Variants in KBTBD12 observed in about 807,000 individuals in gnomAD.
The protein encoded by KBTBD12 is kelch repeat and BTB domain containing 12.
KBTBD12 carries 53 observed loss-of-function variants against 58.7 expected under a neutral mutation model. That is an observed-to-expected ratio of 0.90 (90% confidence interval 0.72 to 1.14). The LOEUF (loss-of-function observed/expected upper bound fraction) is 1.14. Among genes scored for constraint, KBTBD12 ranks in the 50% most tolerant of loss-of-function variants. The probability of loss-of-function intolerance (pLI) is 0.00; values close to 1 mark genes in which losing one functional copy is unlikely to be tolerated. For missense variants in KBTBD12, 704 were observed against 751.3 expected, an observed-to-expected ratio of 0.94 and a Z score of 0.74; for synonymous variants, 236 against 259.8, an observed-to-expected ratio of 0.91 and a Z score of 0.88.
At chr3:127,964,275 A>T (rs1038955894) in intron 5 of KBTBD12, among the ~76,000 whole-genome samples, 4 of 152,184 alleles carry the variant, frequency 2.6e-5, no homozygotes, top group Non-Finnish European at 5.9e-5. Context: ...AGTAAAGCTG[A>T]TACTGCAGCA....
chr3:127,922,387 T>C (rs1939432437), intron 1 of KBTBD12, among the ~76,000 whole-genome samples: 1 of 152,188 alleles, frequency 6.6e-6, no homozygotes, highest in Non-Finnish European at 1.5e-5. Flanking sequence ...ATATAATCTT[T>C]GTGTTATCTA....
At chr3:127,917,069 A>G (rs1939263791) in intron 1 of KBTBD12, among the ~76,000 whole-genome samples, 1 of 152,168 alleles carries the variant, frequency 6.6e-6, no homozygotes, top group African/African-American at 2.4e-5. Flanking sequence ...TCAGCAACCA[A>G]TCACTTAGTT....
rs569069687 is a variant in KBTBD12 at position 127,920,938 on chromosome 3, TG to T, written c.-112-2011del. ...ATCACCGAGAACATTTATACAGTTT[TG>T]TTTTGCTGATGAAAGGAGAATGTAC... On this transcript the variant is annotated intron_variant, in intron 1 of 5. Coordinates refer to ENST00000405109, the MANE Select transcript of KBTBD12 (RefSeq NM_207335.4). Among the ~76,000 whole-genome samples, 8 of 152,132 alleles carry T rather than the reference TG, an allele frequency of 5.3e-5. No homozygotes were observed. In the South Asian group the frequency reaches 1.7e-3, roughly 32 times the overall value.
intron 5 of KBTBD12, among the ~76,000 whole-genome samples, chr3:127,976,380 T>G (rs557176922): frequency 6.6e-6 from 1 of 152,162 alleles, no homozygotes; most frequent in South Asian, 2.1e-4. Context: ...ACGCCCTTTT[T>G]CCCCCCTTTT....
intron 5 of KBTBD12, among the ~76,000 whole-genome samples, chr3:127,965,121 G>C (rs1213194771): frequency 6.6e-6 from 1 of 152,246 alleles, no homozygotes; most frequent in Non-Finnish European, 1.5e-5. Flanking sequence ...GAGAATCTGA[G>C]GGTTAGCCTC....
chr3:127,947,222 TCCC>T, intron 4 of KBTBD12, among the ~76,000 whole-genome samples: 2 of 152,220 alleles, frequency 1.3e-5, no homozygotes, highest in Non-Finnish European at 2.9e-5. Context: ...GATGATCTCC[TCCC>T]TGAGAGGATT....
chr3:127,959,295 C>T (rs114584631), intron 4 of KBTBD12, among the ~76,000 whole-genome samples: 2,463 of 152,298 alleles, frequency 0.016, 63 homozygotes, highest in African/African-American at 0.054. Flanking sequence ...GTTAGGTCCA[C>T]CAACAGCTCC....
intron 5 of KBTBD12, among the ~76,000 whole-genome samples, chr3:127,965,423 G>A (rs1051530296): frequency 1.3e-5 from 2 of 152,070 alleles, no homozygotes; most frequent in Non-Finnish European, 2.9e-5. Flanking sequence ...AATTATCACT[G>A]GGATTTTATA....
chr3:127,981,554 A>T (rs1306472222), intron 5 of KBTBD12, among the ~76,000 whole-genome samples: 2 of 152,158 alleles, frequency 1.3e-5, no homozygotes, highest in Non-Finnish European at 2.9e-5. Flanking sequence ...GTTTTGGAGG[A>T]AAGAAATTCT....
intron 3 of KBTBD12, among the ~76,000 whole-genome samples, chr3:127,929,860 A>C (rs1939661340): frequency 1.3e-5 from 2 of 152,140 alleles, no homozygotes; most frequent in Admixed American, 1.3e-4. Flanking sequence ...TTCTTTAAAA[A>C]AAAAAAAGCT....
rs1940923486 is a variant in KBTBD12 at position 127,984,113 on chromosome 3, C to A, written c.1707C>A (p.Ile569=). 1 of 1,613,382 alleles carries A rather than the reference C, an allele frequency of 6.2e-7. No individual in the cohort carries two copies. The highest frequency in any genetic ancestry group is 8.5e-7 in the Non-Finnish European group (1 of 1,179,668). The part of the protein sequence containing the change: ...GFHGADRHEV[I]SKEILELDPW... The stretch of plus-strand genomic sequence containing the variant: ...GTTTTTCAGATCGCCATGAGGTTAT[C>A]TCCAAAGAAATATTGGAACTGGACC... Residue 569 remains isoleucine, a synonymous_variant, in exon 6 of 6, where the codon ATC becomes ATA. Coordinates refer to ENST00000405109, the MANE Select transcript of KBTBD12 (RefSeq NM_207335.4).
At chr3:127,942,231 T>C (rs1939965404) in intron 4 of KBTBD12, among the ~76,000 whole-genome samples, 1 of 152,178 alleles carries the variant, frequency 6.6e-6, no homozygotes, top group Non-Finnish European at 1.5e-5. Context: ...GTCAAAAGAT[T>C]ACTATAATCA....
In KBTBD12 at chr3:127,986,918, C is replaced by T. The variant is rs1356763128; in HGVS notation, c.*2640C>T. The T allele has an allele frequency of 6.6e-6, 1 of 152,302 alleles. No homozygotes were observed. Among genetic ancestry groups the T allele is most frequent in the Non-Finnish European group, 1.5e-5 (1 of 68,122 alleles). The allele number at this position is 152,302 out of a possible 1,614,324, so 9.4% of individuals were successfully genotyped here. On this transcript the variant is annotated 3_prime_UTR_variant, in exon 6 of 6. Coordinates refer to ENST00000405109, the MANE Select transcript of KBTBD12 (RefSeq NM_207335.4). ...ACACATTCAGGACCCTGTGGCAGCT[C>T]AGCAGAGGCACCTGAGGGTCACGCT... is the stretch of plus-strand genomic sequence containing the variant.
Position 127,924,138 on chromosome 3 carries a change from A to G in KBTBD12, c.1070+7A>G, listed in dbSNP as rs1442137897. 1 of 1,553,326 alleles carries G rather than the reference A, an allele frequency of 6.4e-7. No individual in the cohort carries two copies. The highest frequency in any genetic ancestry group is 1.8e-5 in the Admixed American group (1 of 54,232). Reference sequence around the variant, plus strand: ...AGAATGTTGAAATTTATAGGTTTGTATCTAGCAGCAAATTTGCTTAATTAT... The same window carrying G: ...AGAATGTTGAAATTTATAGGTTTGTGTCTAGCAGCAAATTTGCTTAATTAT... On this transcript the variant is annotated splice_region_variant and intron_variant, in intron 2 of 5. Transcript: ENST00000405109.
intron 4 of KBTBD12, among the ~76,000 whole-genome samples, chr3:127,947,281 C>A (rs1047764572): frequency 6.6e-6 from 1 of 152,140 alleles, no homozygotes; most frequent in Non-Finnish European, 1.5e-5. Context: ...TTCCCTCAGT[C>A]CAATCAGGGC....
chr3:127,945,949 G>A (rs1940072500), intron 4 of KBTBD12, among the ~76,000 whole-genome samples: 1 of 152,068 alleles, frequency 6.6e-6, no homozygotes. Flanking sequence ...AAAGTGCTGG[G>A]ATTACAGGCG....
At chr3:127,926,417 T>C (rs1939568932) in intron 2 of KBTBD12, among the ~76,000 whole-genome samples, 1 of 152,196 alleles carries the variant, frequency 6.6e-6, no homozygotes, top group Non-Finnish European at 1.5e-5. Flanking sequence ...CTTTCTTTTC[T>C]AAAATTCATA....
chr3:127,971,746 AG>A (rs1940686067), intron 5 of KBTBD12, among the ~76,000 whole-genome samples: 4 of 152,206 alleles, frequency 2.6e-5, no homozygotes, highest in African/African-American at 9.6e-5. Flanking sequence ...ATTTCTTCCC[AG>A]AGTCCAGGCT....
chr3:127,948,166 A>G (rs1940124348), intron 4 of KBTBD12, among the ~76,000 whole-genome samples: 1 of 152,384 alleles, frequency 6.6e-6, no homozygotes, highest in Non-Finnish European at 1.5e-5. Flanking sequence ...ACTAAGTAGC[A>G]TAGCAGTAAT....
Sources: allele counts gnomAD v4.1 joint callset (sites outside exome capture counted in the v4.1 genomes callset), GRCh38; gene constraint gnomAD v4.1.1; transcripts MANE v1.5; gene names NCBI Gene and HGNC (gene_info 2026-07-23, HGNC 2026-07-21).